Variants in UPF3B observed in about 807,000 individuals in gnomAD.
UPF3B encodes the protein regulator of nonsense transcripts 3B.
Under a neutral mutation model 40.3 loss-of-function variants are expected in UPF3B, and 7 were observed. The ratio of observed to expected loss-of-function variants is 0.17; its 90% CI spans 0.10 to 0.33. The LOEUF (loss-of-function observed/expected upper bound fraction) is 0.33. UPF3B is among the 10% of genes least tolerant of loss of function. The pLI, the probability that UPF3B is intolerant of heterozygous loss-of-function variation, is 1.00. For synonymous variants in UPF3B, 117 were observed against 117.3 expected, an observed-to-expected ratio of 1.00 and a Z score of 0.01; for missense variants, 229 against 358.9, an observed-to-expected ratio of 0.64 and a Z score of 2.93.
At chrX:119,836,353 G>A (rs759814982) in intron 10 of UPF3B, among the ~76,000 whole-genome samples, 220 of 110,803 alleles carry the variant, frequency 2.0e-3, no homozygotes, top group African/African-American at 4.2e-3. Flanking sequence ...AGACTCCATC[G>A]CAAAAAATAA....
chrX:119,842,580 T>TCTCACACACACACA (rs1556379941), intron 5 of UPF3B, among the ~76,000 whole-genome samples: 8 of 71,459 alleles, frequency 1.1e-4, no homozygotes, highest in African/African-American at 4.9e-4. Context: ...ACTCCATCTC[T>TCTCACACACACACA]CACACACACA....
intron 9 of UPF3B, 110 bp downstream of exon 9, chrX:119,838,257 C>G: frequency 1.0e-6 from 1 of 959,270 alleles, no homozygotes; most frequent in South Asian, 2.1e-5. Flanking sequence ...TCCTCCTCAT[C>G]CCCCTGCCCT....
intron 5 of UPF3B, among the ~76,000 whole-genome samples, chrX:119,842,605 T>TACACATACACACAC (rs1556380035): frequency 1.1e-5 from 1 of 91,392 alleles, no homozygotes; most frequent in Non-Finnish European, 2.2e-5. Flanking sequence ...CACACACACA[T>TACACATACACACAC]ACACACACAC....
downstream of UPF3B, among the ~76,000 whole-genome samples, chrX:119,833,048 A>C (rs4825676): frequency 0.44 from 47,713 of 109,150 alleles, 8,288 homozygotes; most frequent in East Asian, 0.79. Context: ...TCACCCTTTC[A>C]ATTTTTCCTG....
rs1214390221 is a variant in UPF3B at position 119,834,394 on chromosome X, C to A, written c.*484G>T. On this transcript the variant is annotated 3_prime_UTR_variant, in exon 11 of 11. Coordinates refer to ENST00000276201, the MANE Select transcript of UPF3B (RefSeq NM_080632.3). The stretch of plus-strand genomic sequence containing the variant: ...TCTATCCTTCACTGTACCTGTACTA[C>A]AAGGACATGCTTGTTGCTTCTACAC... 4.2e-5 allele frequency: 33 copies of A among 784,419 alleles called. No individual in the cohort carries two copies. Among genetic ancestry groups the A allele is most frequent in the Non-Finnish European group, 4.9e-5 (32 of 658,971 alleles). The allele number at this position is 784,419 out of a possible 1,213,427, so 64.6% of individuals were successfully genotyped here.
intron 4 of UPF3B, among the ~76,000 whole-genome samples, chrX:119,819,348 G>A (rs192606957): frequency 5.0e-4 from 55 of 110,983 alleles, no homozygotes; most frequent in African/African-American, 1.6e-3. Flanking sequence ...CACCGTGCCC[G>A]GCCAACACCT....
At chrX:119,816,058 A>C (rs996136514) in intron 4 of UPF3B, among the ~76,000 whole-genome samples, 2 of 111,901 alleles carry the variant, frequency 1.8e-5, no homozygotes, top group African/African-American at 6.5e-5. Context: ...CTGGGATTAC[A>C]GGCATGAGCC....
intron 3 of UPF3B, among the ~76,000 whole-genome samples, chrX:119,824,764 C>CTTTTTTTTT (rs11351287): frequency 7.6e-5 from 5 of 65,644 alleles, no homozygotes; most frequent in East Asian, 5.0e-4. Context: ...CCATTTCTTT[C>CTTTTTTTTT]TTTTTTTTTT....
intron 3 of UPF3B, among the ~76,000 whole-genome samples, chrX:119,847,172 G>A (rs1035396786): frequency 4.5e-5 from 5 of 112,257 alleles, no homozygotes; most frequent in Admixed American, 2.9e-4. Context: ...TCATGTATTG[G>A]TGGGAATGTA....
At chrX:119,850,935 T>A (rs2056296201) in intron 3 of UPF3B, among the ~76,000 whole-genome samples, 1 of 111,114 alleles carries the variant, frequency 9.0e-6, no homozygotes, top group Admixed American at 9.6e-5. Flanking sequence ...AGAGATGGGG[T>A]TTCACCACGT....
intron 3 of UPF3B, among the ~76,000 whole-genome samples, chrX:119,849,970 C>T (rs2056281038): frequency 9.3e-6 from 1 of 107,124 alleles, no homozygotes; most frequent in Non-Finnish European, 1.9e-5. Context: ...ACAAAAAACA[C>T]AATGAGGAAA....
intron 3 of UPF3B, among the ~76,000 whole-genome samples, chrX:119,847,265 G>A (rs1289903929): frequency 2.7e-5 from 3 of 111,291 alleles, no homozygotes; most frequent in Non-Finnish European, 3.8e-5. Flanking sequence ...TGACTAACAT[G>A]GTAAAACCCC....
chrX:119,846,699 T>A (rs2056238816), intron 3 of UPF3B, among the ~76,000 whole-genome samples: 1 of 107,434 alleles, frequency 9.3e-6, no homozygotes, highest in Non-Finnish European at 1.9e-5. Flanking sequence ...GTAGATCTCA[T>A]GTTAAGTGTT....
At position 119,816,038 on chromosome X, in the gene UPF3B, T is replaced by A. The variant is rs558405372; in HGVS notation, c.495-731A>T. 1.1e-4 allele frequency among the ~76,000 whole-genome samples: 12 copies of A among 111,502 alleles called. No individual in the cohort carries two copies. The South Asian group carries it at 4.5e-3, about 42-fold the overall frequency. On this transcript the variant is annotated intron_variant, in intron 4 of 6. Coordinates refer to the UPF3B transcript ENST00000636792. ...CTCAAGTGATCCACCTGCCTCGGCC[T>A]CCCAAAGTGCTGGGATTACAGGCAT...
At chrX:119,811,650 A>G (rs1171785027) in intron 5 of UPF3B, among the ~76,000 whole-genome samples, 1 of 106,637 alleles carries the variant, frequency 9.4e-6, no homozygotes, top group African/African-American at 3.4e-5. Flanking sequence ...GTCTCAAAAA[A>G]AAAAAAAAAA....
At chrX:119,848,496 TAA>T (rs1158086579) in intron 3 of UPF3B, among the ~76,000 whole-genome samples, 2 of 103,215 alleles carry the variant, frequency 1.9e-5, no homozygotes, top group Admixed American at 1.0e-4. Context: ...GTTTAATGGG[TAA>T]AGAGTTTCAG....
At chrX:119,833,250 C>A (rs903546141), downstream of UPF3B, among the ~76,000 whole-genome samples, 1 of 112,650 alleles carries the variant, frequency 8.9e-6, no homozygotes, top group East Asian at 2.7e-4. Flanking sequence ...CCAAAGAAAT[C>A]AAACATGTAT....
intron 6 of UPF3B, among the ~76,000 whole-genome samples, chrX:119,806,917 T>C (rs1358453222): frequency 5.7e-5 from 6 of 105,504 alleles, no homozygotes; most frequent in Non-Finnish European, 1.2e-4. Flanking sequence ...TAATCCCAGC[T>C]ACTCGGGAGG....
chrX:119,828,670 TAAAA>T (rs1225152101), intron 3 of UPF3B, among the ~76,000 whole-genome samples: 4 of 93,331 alleles, frequency 4.3e-5, no homozygotes, highest in African/African-American at 7.8e-5. Flanking sequence ...AGTCTTTACT[TAAAA>T]AAAAAAAAAA....
Sources: allele counts gnomAD v4.1 joint callset (sites outside exome capture counted in the v4.1 genomes callset), GRCh38; gene constraint gnomAD v4.1.1; transcripts MANE v1.5; gene names NCBI Gene and HGNC (gene_info 2026-07-23, HGNC 2026-07-21).